NPR2: variants seen among roughly 807,000 people sequenced by gnomAD.
NPR2 encodes the protein natriuretic peptide receptor 2.
Under a neutral mutation model 120.7 loss-of-function variants are expected in NPR2, and 49 were observed. The ratio of observed to expected loss-of-function variants is 0.41; its 90% CI spans 0.32 to 0.52. NPR2 has a LOEUF of 0.52. NPR2 is among the 20% of genes least tolerant of loss of function. The pLI is 0.36. For synonymous variants in NPR2, 484 were observed against 519.8 expected (o/e 0.93, Z 0.94); for missense variants, 931 against 1,362.9 (o/e 0.68, Z 4.99).
intron 12 of NPR2, among the ~76,000 whole-genome samples, chr9:35,804,662 CTT>C (rs1346227231): frequency 2.6e-5 from 4 of 152,350 alleles, no homozygotes; most frequent in African/African-American, 9.6e-5. Context: ...ATGTTCTGCA[CTT>C]TCTCTCTGAT....
At position 35,800,983 on chromosome 9, in the gene NPR2, G is replaced by C; in HGVS notation, c.1352-87G>C. The C allele has an allele frequency of 2.6e-6, 4 of 1,526,888 alleles. No individual in the cohort carries two copies. The highest frequency in any genetic ancestry group is 3.6e-6 in the Non-Finnish European group (4 of 1,100,540). The allele number at this position is 1,526,888 out of a possible 1,614,324, so 94.6% of individuals were successfully genotyped here. ...CCTCCTCATTTCTTCCTACTCCCAA[G>C]GAGTCTGTCTATGCACCTATGCACC... On this transcript the variant is annotated intron_variant, in intron 6 of 21. Transcript: ENST00000342694. This position sits in a 1 kb window ranked among gnomAD's most constrained non-coding sequence, Gnocchi z 4.7.
rs1438071663 is a variant in NPR2 at position 35,805,218 on chromosome 9, A to T, written c.1888-293A>T. Among the ~76,000 whole-genome samples the T allele has an allele frequency of 6.6e-6, 1 of 152,190 alleles. No homozygotes were observed. Among genetic ancestry groups the T allele is most frequent in the Non-Finnish European group, 1.5e-5 (1 of 68,034 alleles). ...TCTGTTCTCTTCACTAATCAAGAAG[A>T]TTGACTGCCCTCTCCAGGGTAGTCA... On this transcript the variant is annotated intron_variant, in intron 12 of 21. Transcript: ENST00000342694. This position sits in a 1 kb window ranked among gnomAD's most constrained non-coding sequence, Gnocchi z 4.9.
intron 2 of NPR2, among the ~76,000 whole-genome samples, chr9:35,794,477 G>T (rs1272823156): frequency 6.6e-6 from 1 of 152,198 alleles, no homozygotes. Context: ...CAAAGTTTGA[G>T]AAAGGATATG....
rs555602541 is a variant in NPR2 at position 35,801,252 on chromosome 9, A to G, written c.1436+98A>G. 44 of 895,794 alleles carry G rather than the reference A, an allele frequency of 4.9e-5. No individual in the cohort carries two copies. The Middle Eastern group carries it at 7.6e-4, about 15-fold the overall frequency. 55.5% of individuals were successfully genotyped at this position (895,794 alleles called of 1,614,324 possible). A position where few individuals can be genotyped will look rare whatever the true frequency, so the allele number is the denominator to read the frequency against. On this transcript the variant is annotated intron_variant, in intron 7 of 21. Transcript: ENST00000342694. ...TCCCTATAATGTGGGATAGGGTAGT[A>G]GGTTTCTTAATTTGCTGGTTGTCTC...
Position 35,806,982 on chromosome 9 carries a change from C to G in NPR2, c.2520-41C>G. ...ACTTTCCCTCTCTCTTCCACTCCTG[C>G]TCTCTTGGAGTTTGGCTCATACGGC... On this transcript the variant is annotated intron_variant, in intron 16 of 21. Transcript: ENST00000342694. The surrounding 1 kb of genome is among the most constrained non-coding windows in gnomAD (Gnocchi z 4.6). 1 of 1,611,308 alleles carries G rather than the reference C, an allele frequency of 6.2e-7. No individual in the cohort carries two copies. The highest frequency in any genetic ancestry group is 1.3e-5 in the African/African-American group (1 of 75,004).
At position 35,791,899 on chromosome 9, in the gene NPR2, G is replaced by A. The variant is rs1214884720; in HGVS notation, c.-510G>A. Among the ~76,000 whole-genome samples, 1 of 151,542 alleles carries A rather than the reference G, an allele frequency of 6.6e-6. No individual in the cohort carries two copies. Among genetic ancestry groups the A allele is most frequent in the Non-Finnish European group, 1.5e-5 (1 of 67,830 alleles). The stretch of plus-strand genomic sequence containing the variant: ...CCAGGCCTCGCTTCGCTCCCCGCCT[G>A]CCCATGATCCCAGTCCTTCCGCGGC... On this transcript the variant is annotated 5_prime_UTR_variant, in exon 1 of 22. Transcript: ENST00000342694.
rs1209716268 is a variant in NPR2, at chr9:35,808,544, T to C, written c.2748T>C (p.Ser916=). Residue 916 remains serine (S), a synonymous_variant, in exon 19 of 22, where the codon TCT becomes TCC. Coordinates refer to ENST00000342694, the MANE Select transcript of NPR2 (RefSeq NM_003995.4). This position sits in a 1 kb window ranked among gnomAD's most constrained non-coding sequence, Gnocchi z 4.0. ...ETIGDAYMVV[S]GLPGRNGQRH... ...TTGGGGATGCTTACATGGTGGTATCTGGCCTCCCAGGCCGAAATGGTCAAC... is the reference window on the plus strand; with the variant it reads ...TTGGGGATGCTTACATGGTGGTATCCGGCCTCCCAGGCCGAAATGGTCAAC... The C allele has an allele frequency of 6.2e-7, 1 of 1,614,034 alleles. No individual in the cohort carries two copies. Among genetic ancestry groups the C allele is most frequent in the African/African-American group, 1.3e-5 (1 of 74,942 alleles).
chr9:35,793,731 T>A (rs1319765204), intron 1 of NPR2, among the ~76,000 whole-genome samples, 167 bp from the exon 2 acceptor site: 1 of 151,908 alleles, frequency 6.6e-6, no homozygotes, highest in African/African-American at 2.4e-5. Flanking sequence ...AGGGTACTTA[T>A]GGTGGACTCC....
At chr9:35,797,665 C>T (rs1385737742) in intron 2 of NPR2, among the ~76,000 whole-genome samples, 2 of 152,076 alleles carry the variant, frequency 1.3e-5, no homozygotes, top group Non-Finnish European at 2.9e-5. Flanking sequence ...TGAAATGGGA[C>T]ACAATTATCC....
rs188846356 is a variant in NPR2, at chr9:35,805,707, T to C, written c.2047+37T>C. 21 of 1,612,772 alleles carry C rather than the reference T, an allele frequency of 1.3e-5. No individual in the cohort carries two copies. In the African/African-American group the frequency reaches 2.4e-4, roughly 18 times the overall value. On this transcript the variant is annotated intron_variant, in intron 13 of 21. Coordinates refer to ENST00000342694, the MANE Select transcript of NPR2 (RefSeq NM_003995.4). The surrounding 1 kb of genome is among the most constrained non-coding windows in gnomAD (Gnocchi z 4.9). ...CCCCACAACCCACTTTTTATATTGC[T>C]CCTCTTTCCACCTAGGGATGGTGGG...
Position 35,808,963 on chromosome 9 carries a change from C to G in NPR2, c.2986+110C>G. On this transcript the variant is annotated intron_variant, in intron 20 of 21. Coordinates refer to ENST00000342694, the MANE Select transcript of NPR2 (RefSeq NM_003995.4). The surrounding 1 kb of genome is among the most constrained non-coding windows in gnomAD (Gnocchi z 4.0). ...CTGAGAGACCACAGTTCCTTAGTGT[C>G]GCATCCTCGGGCATATTTTGGTTCT... The G allele has an allele frequency of 1.1e-6, 1 of 942,690 alleles. No individual in the cohort carries two copies. The allele number at this position is 942,690 out of a possible 1,614,324, so 58.4% of individuals were successfully genotyped here. A position where few individuals can be genotyped will look rare whatever the true frequency, so the allele number is the denominator to read the frequency against.
intron 2 of NPR2, 143 bp downstream of exon 2, chr9:35,794,246 T>C (rs1827879576): frequency 1.3e-6 from 1 of 744,356 alleles, no homozygotes; most frequent in Non-Finnish European, 2.2e-6. Context: ...ATTCTGAGTC[T>C]AGTGTCACCC....
chr9:35,801,860 C>G (rs1229611920), intron 8 of NPR2, 66 bp from the exon 9 acceptor site: 5 of 1,598,550 alleles, frequency 3.1e-6, no homozygotes, highest in African/African-American at 1.3e-5. Context: ...AATGATAGCC[C>G]CTGCACTACC....
intron 2 of NPR2, among the ~76,000 whole-genome samples, chr9:35,795,180 T>G (rs1827910710): frequency 6.6e-6 from 1 of 152,194 alleles, no homozygotes; most frequent in Non-Finnish European, 1.5e-5. Flanking sequence ...GGTACCCTCA[T>G]GCTGAGAACT....
intron 3 of NPR2, 60 bp from the exon 4 acceptor site, chr9:35,799,962 A>G (rs1828082085): frequency 1.2e-6 from 2 of 1,607,132 alleles, no homozygotes; most frequent in Non-Finnish European, 1.7e-6. Context: ...GAGACCCCAG[A>G]GAGAGGGGAA....
Position 35,792,109 on chromosome 9 carries a change from C to T in NPR2, c.-300C>T, listed in dbSNP as rs1588049452. Reference sequence around the variant, plus strand: ...CTTTAGATTTATCAGGCTTCTTCACCTCGCACTGTCCCCATCCTGGCCGCA... The same window carrying T: ...CTTTAGATTTATCAGGCTTCTTCACTTCGCACTGTCCCCATCCTGGCCGCA... On this transcript the variant is annotated 5_prime_UTR_variant, in exon 1 of 22. Transcript: ENST00000342694. 2 of 395,446 alleles carry T rather than the reference C, an allele frequency of 5.1e-6. No individual in the cohort carries two copies. The highest frequency in any genetic ancestry group is 5.6e-5 in the South Asian group (2 of 35,896). The allele number at this position is 395,446 out of a possible 1,614,324, so 24.5% of individuals were successfully genotyped here.
Position 35,792,424 on chromosome 9 carries a change from C to T in NPR2, c.16C>T (p.Leu6Phe). MALPSLLLLVAALAGG... is the reference protein window; with the variant it reads MALPSFLLLVAALAGG... Reference sequence around the variant, plus strand: ...CTTTATCCCCATGGCGCTGCCATCACTTCTGCTGTTGGTGGCAGCCCTGGC... The same window carrying T: ...CTTTATCCCCATGGCGCTGCCATCATTTCTGCTGTTGGTGGCAGCCCTGGC... The change falls in exon 1 of 22, where the codon CTT becomes TTT. Residue 6 changes from leucine to phenylalanine, a missense_variant. Around this residue, in one of 3 missense-constraint regions of NPR2, gnomAD observed 681 missense variants for 974.3 expected, o/e 0.70. Coordinates refer to ENST00000342694, the MANE Select transcript of NPR2 (RefSeq NM_003995.4). The T allele has an allele frequency of 6.2e-7, 1 of 1,611,644 alleles. No individual in the cohort carries two copies. Among genetic ancestry groups the T allele is most frequent in the Non-Finnish European group, 8.5e-7 (1 of 1,179,774 alleles).
Position 35,802,026 on chromosome 9 carries a change from T to G in NPR2, c.1632+26T>G, listed in dbSNP as rs1327716649. On this transcript the variant is annotated intron_variant, in intron 9 of 21. Transcript: ENST00000342694. The surrounding 1 kb of genome is among the most constrained non-coding windows in gnomAD (Gnocchi z 4.2). ...GTGAACAGTCATTTGCTTGTTCTGG[T>G]CCCCACCATTTCATCCTGTCTCATC... 4 of 1,603,604 alleles carry G rather than the reference T, an allele frequency of 2.5e-6. No homozygotes were observed. Among genetic ancestry groups the G allele is most frequent in the Non-Finnish European group, 3.4e-6 (4 of 1,170,532 alleles).
Position 35,792,929 on chromosome 9 carries a change from G to A in NPR2, c.521G>A (p.Arg174His), listed in dbSNP as rs1755809139. The A allele has an allele frequency of 6.2e-7, 1 of 1,614,042 alleles. No individual in the cohort carries two copies. Among genetic ancestry groups the A allele is most frequent in the Non-Finnish European group, 8.5e-7 (1 of 1,180,024 alleles). ...GCTGCCTTGCTGTACCTGGATGCTC[G>A]CACAGATGACCGGCCTCACTACTTC... ...ARAALLYLDARTDDRPHYFTI... is the reference protein window; with the variant it reads ...ARAALLYLDAHTDDRPHYFTI... The change falls in exon 1 of 22, where the codon CGC becomes CAC. Residue 174 changes from arginine (R) to histidine (H), a missense_variant. This residue lies in a region of NPR2 where 681 missense variants were observed against 974.3 expected (regional missense o/e 0.70). Coordinates refer to ENST00000342694, the MANE Select transcript of NPR2 (RefSeq NM_003995.4).
Sources: allele counts gnomAD v4.1 joint callset (sites outside exome capture counted in the v4.1 genomes callset), GRCh38; gene constraint gnomAD v4.1.1; regional missense constraint gnomAD v4.1.1; non-coding constraint Gnocchi (gnomAD v3.1); transcripts MANE v1.5; gene names NCBI Gene and HGNC (gene_info 2026-07-23, HGNC 2026-07-21).